PLA2G4F: variants seen among roughly 807,000 people sequenced by gnomAD.
The protein encoded by PLA2G4F is phospholipase A2 group IVF.
In PLA2G4F, 105 loss-of-function variants were observed where a neutral mutation model predicts 103.1. The observed-to-expected ratio is 1.02, with a 90% confidence interval of 0.87 to 1.20. The LOEUF (loss-of-function observed/expected upper bound fraction) is 1.20. Ranked by LOEUF, PLA2G4F falls within the 50% of genes most tolerant of loss-of-function variation. The probability of loss-of-function intolerance (pLI) is 0.00; values close to 1 mark genes in which losing one functional copy is unlikely to be tolerated. For synonymous variants in PLA2G4F, 468 were observed against 441.1 expected (o/e 1.06, Z -0.76); for missense variants, 1,155 against 1,075.9 (o/e 1.07, Z -1.03).
chr15:42,155,274 CAT>C lies in PLA2G4F; in HGVS notation c.184+241_184+242del, dbSNP rs199498048. On this transcript the variant is annotated intron_variant, in intron 2 of 19. Transcript: ENST00000397272. ...TCGTGTTCCCACACACTCGCACTCA[CAT>C]GTTTACACCACATATACACGCACTC... 9.9e-3 allele frequency among the ~76,000 whole-genome samples: 1,508 copies of C among 152,114 alleles called. 30 individuals carry two copies. The highest frequency in any genetic ancestry group is 0.035 in the African/African-American group (1,453 of 41,510).
chr15:42,156,245 C>G lies in PLA2G4F; in HGVS notation c.111+194G>C, dbSNP rs147642765. Among the ~76,000 whole-genome samples, 18 of 152,322 alleles carry G rather than the reference C, an allele frequency of 1.2e-4. No homozygotes were observed. In the East Asian group the frequency reaches 3.5e-3, roughly 29 times the overall value. On this transcript the variant is annotated intron_variant, in intron 1 of 19. Transcript: ENST00000397272. ...CCCAGACAAGTGTCAAGTGAACTAA[C>G]CCTCCATTTCCTAATCGGAGGGAGC...
At position 42,155,598 on chromosome 15, in the gene PLA2G4F, A is replaced by G. The variant is rs2049007791; in HGVS notation, c.112-9T>C. ...TATGGGTAGGTTTCCCGCTGCAATAACAGAACTCCAGGGACTCAGTCAGCT... is the reference window on the plus strand; with the variant it reads ...TATGGGTAGGTTTCCCGCTGCAATAGCAGAACTCCAGGGACTCAGTCAGCT... On this transcript the variant is annotated splice_polypyrimidine_tract_variant and intron_variant, in intron 1 of 19. Coordinates refer to ENST00000397272, the MANE Select transcript of PLA2G4F (RefSeq NM_213600.4). 6.2e-7 allele frequency: 1 copy of G among 1,613,424 alleles called. No homozygotes were observed. Among genetic ancestry groups the G allele is most frequent in the South Asian group, 1.1e-5 (1 of 91,064 alleles).
intron 16 of PLA2G4F, 102 bp from the exon 17 acceptor site, chr15:42,144,746 C>T: frequency 8.3e-7 from 1 of 1,209,176 alleles, no homozygotes; most frequent in Non-Finnish European, 1.1e-6. Flanking sequence ...GTGAGCCCTC[C>T]CCACATCCCT....
In PLA2G4F at chr15:42,146,214, G is replaced by T; in HGVS notation, c.1447C>A (p.Gln483Lys). Reference protein sequence around the residue: ...EENPAKLSDQQEAVRQGQNPY... With the variant: ...EENPAKLSDQKEAVRQGQNPY... ...TTCTGACCCTGGCGGACCGCCTCCT[G>T]TTGGTCAGACAGCTTGGCAGGGTTC... Residue 483 changes from glutamine to lysine, a missense_variant, in exon 14 of 20, where the codon CAG becomes AAG. Transcript: ENST00000397272. 1 of 1,614,272 alleles carries T rather than the reference G, an allele frequency of 6.2e-7. No homozygotes were observed. The highest frequency in any genetic ancestry group is 8.5e-7 in the Non-Finnish European group (1 of 1,180,048).
rs1417695912 is a variant in PLA2G4F at position 42,153,348 on chromosome 15, A to G, written c.492-6T>C. 1.2e-6 allele frequency: 2 copies of G among 1,613,498 alleles called. No homozygotes were observed. Among genetic ancestry groups the G allele is most frequent in the Admixed American group, 3.3e-5 (2 of 60,014 alleles). Reference sequence around the variant, plus strand: ...CTTCAGATGCAGGCACCTGGCTGCAAAGGATGAGGAATACATGGAGAATAC... The same window carrying G: ...CTTCAGATGCAGGCACCTGGCTGCAGAGGATGAGGAATACATGGAGAATAC... On this transcript the variant is annotated splice_region_variant and splice_polypyrimidine_tract_variant and intron_variant, in intron 5 of 19. Coordinates refer to ENST00000397272, the MANE Select transcript of PLA2G4F (RefSeq NM_213600.4).
intron 12 of PLA2G4F, 46 bp from the exon 13 acceptor site, chr15:42,147,392 C>A (rs1169575133): frequency 1.9e-6 from 3 of 1,554,840 alleles, no homozygotes; most frequent in Non-Finnish European, 2.6e-6. Flanking sequence ...AGAGCACAGC[C>A]ACGGGAGAGA....
chr15:42,143,296 T>G (rs11636542), intron 18 of PLA2G4F, among the ~76,000 whole-genome samples: 1 of 151,282 alleles, frequency 6.6e-6, no homozygotes, highest in East Asian at 1.9e-4. Context: ...TCCGCCATGG[T>G]CCTCCAGGAA....
Position 42,150,135 on chromosome 15 carries a change from C to A in PLA2G4F, c.892G>T (p.Glu298Ter). ...TCCACCTTCATGCTCAGAGCCACCTCCTGGCCCTGAAAGACACAGCAGCCC... is the reference window on the plus strand; with the variant it reads ...TCCACCTTCATGCTCAGAGCCACCTACTGGCCCTGAAAGACACAGCAGCCC... ...QCSVALGEGQEVALSMKVEMS... is the reference protein window; with the variant it reads ...QCSVALGEGQ The change falls in exon 10 of 20, where the codon GAG becomes TAG. Residue 298 changes from glutamate to a stop codon, truncating the protein, a stop_gained. Transcript: ENST00000397272. LOFTEE classifies it high-confidence loss of function. 1.2e-6 allele frequency: 2 copies of A among 1,614,182 alleles called. No individual in the cohort carries two copies. The highest frequency in any genetic ancestry group is 1.7e-6 in the Non-Finnish European group (2 of 1,180,020).
rs749838400 is a variant in PLA2G4F, at chr15:42,147,619, C to T, written c.1196+7G>A. On this transcript the variant is annotated splice_region_variant and intron_variant, in intron 12 of 19. Coordinates refer to ENST00000397272, the MANE Select transcript of PLA2G4F (RefSeq NM_213600.4). Reference sequence around the variant, plus strand: ...TTTACCCTGTGCCCTGCCCCCACCTCACTTACCAGGTAGACCCAGAGACCC... The same window carrying T: ...TTTACCCTGTGCCCTGCCCCCACCTTACTTACCAGGTAGACCCAGAGACCC... 6.2e-7 allele frequency: 1 copy of T among 1,613,918 alleles called. No individual in the cohort carries two copies. Among genetic ancestry groups the T allele is most frequent in the East Asian group, 2.2e-5 (1 of 44,844 alleles).
At chr15:42,150,846 G>C in intron 7 of PLA2G4F, 69 bp from the exon 8 acceptor site, 1 of 1,544,926 alleles carries the variant, frequency 6.5e-7, no homozygotes, top group South Asian at 1.2e-5. Flanking sequence ...GCTTATGCTG[G>C]CAGCGCCCCA....
In PLA2G4F at chr15:42,144,524, T is replaced by C. The variant is rs1300064085; in HGVS notation, c.1901A>G (p.Gln634Arg). 1 of 1,612,458 alleles carries C rather than the reference T, an allele frequency of 6.2e-7. No individual in the cohort carries two copies. ...DIFTSRFTSA[Q>R]SFNFTRGLCL... is the part of the protein sequence containing the mutation. ...GAGACCCCGGGTGAAGTTAAAGCTC[T>C]GGGCGGAAGTGAAGCGGGAGGTGAA... The change falls in exon 17 of 20, where the codon CAG becomes CGG. Residue 634 changes from glutamine (Q) to arginine (R), a missense_variant. By Grantham distance (43) the Gln-to-Arg change is conservative (BLOSUM62 1). This residue lies in a region of PLA2G4F where 782 missense variants were observed against 692.9 expected (regional missense o/e 1.13). Transcript: ENST00000397272.
At position 42,156,422 on chromosome 15, in the gene PLA2G4F, A is replaced by G; in HGVS notation, c.111+17T>C. ...CTCCCCCAGTCCGGGTTTCCCAGGT[A>G]ATCTCAGGTACGTTACCCGCCAGTG... On this transcript the variant is annotated intron_variant, in intron 1 of 19. Transcript: ENST00000397272. 1 of 1,546,010 alleles carries G rather than the reference A, an allele frequency of 6.5e-7. No homozygotes were observed. Among genetic ancestry groups the G allele is most frequent in the Non-Finnish European group, 8.8e-7 (1 of 1,141,850 alleles).
rs368585558 is a variant in PLA2G4F at position 42,154,435 on chromosome 15, G to C, written c.208C>G (p.Gln70Glu). The stretch of plus-strand genomic sequence containing the variant: ...GGGGACGCCGTGGGCAGCCACAGTT[G>C]CACATAGCAGTCGGCTTTGGACACT... ...DLLSKADCYV[Q>E]LWLPTASPSP... Residue 70 changes from glutamine (Q) to glutamate (E), a missense_variant, in exon 3 of 20, where the codon CAA becomes GAA. Gln to Glu is a conservative substitution (Grantham distance 29). This residue lies in a region of PLA2G4F where 370 missense variants were observed against 364.9 expected (regional missense o/e 1.01). Transcript: ENST00000397272. 2.6e-5 allele frequency: 42 copies of C among 1,602,896 alleles called. No individual in the cohort carries two copies. Among genetic ancestry groups the C allele is most frequent in the Non-Finnish European group, 3.3e-5 (39 of 1,173,126 alleles).
At chr15:42,150,000 C>T in intron 10 of PLA2G4F, 104 bp downstream of exon 10, 2 of 1,560,446 alleles carry the variant, frequency 1.3e-6, no homozygotes, top group South Asian at 1.1e-5. Flanking sequence ...GTCATCCCCA[C>T]CCCACGGCCT....
Position 42,153,526 on chromosome 15 carries a change from C to G in PLA2G4F, c.491+94G>C, listed in dbSNP as rs624841. ...AGGCCATTGCCTCCAGGCCAGGCCT[C>G]CAAGGCCAGTGCAGGACATGGTGAC... On this transcript the variant is annotated intron_variant, in intron 5 of 19. Transcript: ENST00000397272. The G allele has an allele frequency of 0.1, 160,198 of 1,550,004 alleles. 22,391 individuals carry two copies. The highest frequency in any genetic ancestry group is 0.59 in the African/African-American group (43,546 of 73,418).
Position 42,154,452 on chromosome 15 carries a change from T to A in PLA2G4F, c.191A>T (p.Lys64Ile). Residue 64 changes from lysine (K) to isoleucine (I), a missense_variant, in exon 3 of 20, where the codon AAA (lysine) becomes ATA (isoleucine). Physicochemically the swap from Lys to Ile is moderately radical, Grantham distance 102 (BLOSUM62 -3). This residue lies in a region of PLA2G4F where 370 missense variants were observed against 364.9 expected (regional missense o/e 1.01). Coordinates refer to ENST00000397272, the MANE Select transcript of PLA2G4F (RefSeq NM_213600.4). ...CCACAGTTGCACATAGCAGTCGGCT[T>A]TGGACACTGCAGGTAGGACAGGGAG... ...TNIRGTDLLS[K>I]ADCYVQLWLP... 1 of 1,587,002 alleles carries A rather than the reference T, an allele frequency of 6.3e-7. No homozygotes were observed. Among genetic ancestry groups the A allele is most frequent in the Non-Finnish European group, 8.6e-7 (1 of 1,164,128 alleles).
chr15:42,146,124 C>T lies in PLA2G4F; in HGVS notation c.1534+3G>A. On this transcript the variant is annotated splice_donor_region_variant and intron_variant, in intron 14 of 19. Transcript: ENST00000397272. ...TCCTTCCTTCGTCTCCACACCCAGG[C>T]ACCTGCAAAATCTTCCCCACTCAAG... is the stretch of plus-strand genomic sequence containing the variant. 1 of 1,613,916 alleles carries T rather than the reference C, an allele frequency of 6.2e-7. No individual in the cohort carries two copies. Among genetic ancestry groups the T allele is most frequent in the East Asian group, 2.2e-5 (1 of 44,884 alleles).
intron 16 of PLA2G4F, among the ~76,000 whole-genome samples, chr15:42,144,891 C>G (rs991706886): frequency 5.9e-5 from 9 of 152,082 alleles, no homozygotes; most frequent in Non-Finnish European, 1.2e-4. Context: ...TATCTTTCAC[C>G]CTTCCTAAAA....
chr15:42,150,387 C>T lies in PLA2G4F; in HGVS notation c.871G>A (p.Val291Met), dbSNP rs749081889. The change falls in exon 9 of 20, where the codon GTG (valine) becomes ATG (methionine). Residue 291 changes from valine (V) to methionine (M), a missense_variant. Around this residue, in one of 3 missense-constraint regions of PLA2G4F, gnomAD observed 370 missense variants for 364.9 expected, o/e 1.01. Coordinates refer to ENST00000397272, the MANE Select transcript of PLA2G4F (RefSeq NM_213600.4). ...LPLGQEEQCS[V>M]ALGEGQEVAL... The stretch of plus-strand genomic sequence containing the variant: ...CAGAGCCTTACCTCCCCCAGGGCCA[C>T]AGAACACTGTTCCTCCTGGCCTAGG... 2.1e-4 allele frequency: 346 copies of T among 1,611,042 alleles called. No individual in the cohort carries two copies. Among genetic ancestry groups the T allele is most frequent in the Non-Finnish European group, 2.8e-4 (334 of 1,179,046 alleles).
Sources: allele counts gnomAD v4.1 joint callset (sites outside exome capture counted in the v4.1 genomes callset), GRCh38; gene constraint gnomAD v4.1.1; regional missense constraint gnomAD v4.1.1; transcripts MANE v1.5; gene names NCBI Gene and HGNC (gene_info 2026-07-23, HGNC 2026-07-21).